EPHA3: variants seen among roughly 807,000 people sequenced by gnomAD.
EPHA3 encodes the protein ephrin type-A receptor 3.
Under a neutral mutation model 107.1 loss-of-function variants are expected in EPHA3, and 42 were observed. The observed-to-expected ratio is 0.39, with a 90% CI of 0.31 to 0.51. The LOEUF (loss-of-function observed/expected upper bound fraction) is 0.51, where lower values mean the gene tolerates loss of function less well. Among genes scored for constraint, EPHA3 ranks in the 20% least tolerant of loss-of-function variants. EPHA3 has a pLI of 0.78. For synonymous variants in EPHA3, 461 were observed against 424.8 expected (o/e 1.09, Z -1.05); for missense variants, 1,183 against 1,211.2 (o/e 0.98, Z 0.35).
At chr3:89,215,304 CT>C (rs1273110871) in intron 3 of EPHA3, among the ~76,000 whole-genome samples, 4 of 151,764 alleles carry the variant, frequency 2.6e-5, no homozygotes, top group African/African-American at 9.7e-5. Flanking sequence ...TGTGAGTGCA[CT>C]ATCTAAAAAG....
chr3:89,416,673 A>G (rs1052691516), intron 10 of EPHA3, among the ~76,000 whole-genome samples: 3 of 151,474 alleles, frequency 2.0e-5, no homozygotes, highest in Non-Finnish European at 4.4e-5. Context: ...ATTGGCGGCT[A>G]TTTCTAGTGT....
At chr3:89,197,475 T>C (rs1253054169) in intron 2 of EPHA3, among the ~76,000 whole-genome samples, 5 of 151,994 alleles carry the variant, frequency 3.3e-5, no homozygotes, top group Admixed American at 2.0e-4. Context: ...TATTAAAATA[T>C]AGAATATATC....
At chr3:89,206,025 G>T (rs1576229452) in intron 2 of EPHA3, among the ~76,000 whole-genome samples, 1 of 152,056 alleles carries the variant, frequency 6.6e-6, no homozygotes, top group South Asian at 2.1e-4. Context: ...ATTCATTTAA[G>T]AATTTTATTT....
At chr3:89,274,232 C>A (rs568887148) in intron 3 of EPHA3, among the ~76,000 whole-genome samples, 4 of 151,930 alleles carry the variant, frequency 2.6e-5, no homozygotes, top group African/African-American at 9.7e-5. Context: ...CACTTTGTAC[C>A]AGCCTCAACA....
At position 89,341,900 on chromosome 3, in the gene EPHA3, G is replaced by A. The variant is rs1390129866; in HGVS notation, c.1116G>A (p.Gln372=). 4 of 1,613,664 alleles carry A rather than the reference G, an allele frequency of 2.5e-6. No individual in the cohort carries two copies. In the East Asian group the frequency reaches 8.9e-5, roughly 36 times the overall value. Residue 372 remains glutamine, a synonymous_variant, in exon 5 of 17, where the codon CAG becomes CAA. Transcript: ENST00000336596. ...ICKKCGWNIK[Q]CEPCSPNVRF... is the part of the protein sequence containing the mutation. Reference sequence around the variant, plus strand: ...AAAAATGTGGGTGGAATATAAAACAGTGTGAGCCATGCAGCCCAAATGTCC... The same window carrying A: ...AAAAATGTGGGTGGAATATAAAACAATGTGAGCCATGCAGCCCAAATGTCC...
intron 2 of EPHA3, among the ~76,000 whole-genome samples, chr3:89,128,117 T>C (rs1256950794): frequency 6.6e-6 from 1 of 152,186 alleles, no homozygotes; most frequent in Non-Finnish European, 1.5e-5. Flanking sequence ...TGTCCTTCTA[T>C]GATAGTCGTC....
At chr3:89,126,584 A>G (rs1228596833) in intron 1 of EPHA3, among the ~76,000 whole-genome samples, 1 of 151,688 alleles carries the variant, frequency 6.6e-6, no homozygotes, top group Admixed American at 6.6e-5. Flanking sequence ...ACTTTAAATA[A>G]GTAAAGCTTT....
intron 2 of EPHA3, among the ~76,000 whole-genome samples, chr3:89,203,852 G>C (rs1234737670): frequency 6.6e-6 from 1 of 151,996 alleles, no homozygotes. Context: ...TGGAGCTGAG[G>C]CTACTTCAGG....
intron 5 of EPHA3, among the ~76,000 whole-genome samples, chr3:89,344,312 C>T (rs549576252): frequency 3.3e-5 from 5 of 152,222 alleles, no homozygotes; most frequent in Admixed American, 3.3e-4. Flanking sequence ...GAGATTGATG[C>T]TTTGGCCCTC....
At chr3:89,438,889 T>G (rs573544207) in intron 13 of EPHA3, among the ~76,000 whole-genome samples, 53 of 152,324 alleles carry the variant, frequency 3.5e-4, no homozygotes, top group African/African-American at 1.2e-3. Flanking sequence ...AAAAGTCTAG[T>G]ACTTTCTACC....
In EPHA3 at chr3:89,185,861, G is replaced by A. The variant is rs147515631; in HGVS notation, c.154-23999G>A. 4.8e-3 allele frequency among the ~76,000 whole-genome samples: 729 copies of A among 152,188 alleles called. 1 individual carries two copies. Among genetic ancestry groups the A allele is most frequent in the Middle Eastern group, 0.01 (3 of 294 alleles). On this transcript the variant is annotated intron_variant, in intron 2 of 16. Transcript: ENST00000336596. ...ATTTAGAGGGATAAATGGTTCAGTAGTGGAATGTTGTCTTTTGAAAAGTGA... is the reference window on the plus strand; with the variant it reads ...ATTTAGAGGGATAAATGGTTCAGTAATGGAATGTTGTCTTTTGAAAAGTGA...
intron 2 of EPHA3, among the ~76,000 whole-genome samples, chr3:89,135,689 C>T (rs1704295878): frequency 6.6e-6 from 1 of 150,394 alleles, no homozygotes; most frequent in Non-Finnish European, 1.5e-5. Flanking sequence ...ATTACATTGT[C>T]TTTTTTACTA....
At chr3:89,376,467 C>G (rs1346331521) in intron 5 of EPHA3, among the ~76,000 whole-genome samples, 1 of 151,772 alleles carries the variant, frequency 6.6e-6, no homozygotes, top group Non-Finnish European at 1.5e-5. Flanking sequence ...TCAGATTTTG[C>G]TTTCCTCAGT....
intron 3 of EPHA3, among the ~76,000 whole-genome samples, chr3:89,224,793 G>A (rs1376412940): frequency 6.6e-6 from 1 of 151,926 alleles, no homozygotes; most frequent in African/African-American, 2.4e-5. Flanking sequence ...AGGTTGCAGT[G>A]AGACAAGATC....
At chr3:89,260,028 C>T (rs192788782) in intron 3 of EPHA3, among the ~76,000 whole-genome samples, 54 of 152,290 alleles carry the variant, frequency 3.5e-4, no homozygotes, top group African/African-American at 1.2e-3. Flanking sequence ...ATGTTCCTGC[C>T]TCTGGATGTG....
chr3:89,312,086 C>A (rs77431928), intron 3 of EPHA3, among the ~76,000 whole-genome samples: 7,737 of 152,036 alleles, frequency 0.051, 629 homozygotes, highest in African/African-American at 0.18. Context: ...CTTTGCACCT[C>A]AGTTTTCTAT....
intron 3 of EPHA3, among the ~76,000 whole-genome samples, chr3:89,228,868 A>G (rs1704561787): frequency 6.6e-6 from 1 of 151,928 alleles, no homozygotes; most frequent in Admixed American, 6.6e-5. Context: ...TAAACTAAAG[A>G]TTCACAGAGA....
rs778106353 is a variant in EPHA3 at position 89,408,126 on chromosome 3, G to A, written c.1757G>A (p.Gly586Glu). 5.6e-6 allele frequency: 9 copies of A among 1,612,444 alleles called. No homozygotes were observed. The highest frequency in any genetic ancestry group is 4.0e-5 in the African/African-American group (3 of 74,816). Residue 586 changes from glycine (G) to glutamate (E), a missense_variant, in exon 9 of 17, where the codon GGG becomes GAG. Gly to Glu is a moderately conservative substitution (Grantham distance 98). Transcript: ENST00000336596. ...ADEKRLHFGN[G>E]HLKLPGLRTY... ...GAAAAAAGACTTCATTTTGGCAATGGGCATTGTAAGTTTCTAAACTTGGCT... is the reference window on the plus strand; with the variant it reads ...GAAAAAAGACTTCATTTTGGCAATGAGCATTGTAAGTTTCTAAACTTGGCT...
chr3:89,136,874 A>C (rs1372332265), intron 2 of EPHA3, among the ~76,000 whole-genome samples: 1 of 151,924 alleles, frequency 6.6e-6, no homozygotes, highest in Non-Finnish European at 1.5e-5. Flanking sequence ...TAGATTTAAA[A>C]ATTTCAAATA....
Sources: gnomAD v4.1 joint callset for allele counts (sites outside exome capture counted in the v4.1 genomes callset) on GRCh38, gnomAD v4.1.1 for gene constraint, MANE v1.5 for transcripts, NCBI Gene and HGNC (gene_info 2026-07-23, HGNC 2026-07-21) for gene names.